SORCS1: variants seen among roughly 807,000 people sequenced by gnomAD.
SORCS1 encodes sortilin related VPS10 domain containing receptor 1, also known as VPS10 domain-containing receptor SorCS1.
SORCS1 carries 60 observed loss-of-function variants against 146.1 expected under a neutral mutation model. The ratio of observed to expected loss-of-function variants is 0.41; its 90% CI spans 0.33 to 0.51. The LOEUF (loss-of-function observed/expected upper bound fraction) is 0.51, where lower values mean the gene tolerates loss of function less well. Ranked by LOEUF, SORCS1 falls within the 20% of genes least tolerant of loss-of-function variation. The pLI, the probability that SORCS1 is intolerant of heterozygous loss-of-function variation, is 0.21. For synonymous variants in SORCS1, 637 were observed against 584.0 expected, an observed-to-expected ratio of 1.09 and a Z score of -1.31; for missense variants, 1,352 against 1,487.6, an observed-to-expected ratio of 0.91 and a Z score of 1.50.
intron 2 of SORCS1, among the ~76,000 whole-genome samples, chr10:106,907,208 C>T (rs1951946529): frequency 6.6e-6 from 1 of 151,880 alleles, no homozygotes; most frequent in Non-Finnish European, 1.5e-5. Context: ...GGGTTTTATC[C>T]CAGTATTACA....
At chr10:107,007,650 G>A (rs907869991) in intron 1 of SORCS1, among the ~76,000 whole-genome samples, 4 of 152,172 alleles carry the variant, frequency 2.6e-5, no homozygotes, top group African/African-American at 9.7e-5. Context: ...TAGGGTAGTT[G>A]GTAACACAGA....
intron 1 of SORCS1, among the ~76,000 whole-genome samples, chr10:106,961,550 T>A (rs1955223504): frequency 6.6e-6 from 1 of 152,204 alleles, no homozygotes; most frequent in Non-Finnish European, 1.5e-5. Flanking sequence ...TACTAAAGAA[T>A]TCACCCCACA....
chr10:106,827,570 A>G (rs1037132898), intron 3 of SORCS1, among the ~76,000 whole-genome samples: 24 of 152,242 alleles, frequency 1.6e-4, no homozygotes, highest in African/African-American at 5.8e-4. Context: ...TTTGCTAAAA[A>G]TGTGAACTAG....
chr10:106,957,374 GTTGGGT>G (rs1438810271), intron 1 of SORCS1, among the ~76,000 whole-genome samples: 6 of 152,064 alleles, frequency 3.9e-5, no homozygotes, highest in South Asian at 4.2e-4. Context: ...GTTTCGCCAT[GTTGGGT>G]AGGCTGGTCT....
intron 1 of SORCS1, among the ~76,000 whole-genome samples, chr10:107,033,988 C>A (rs185836761): frequency 2.5e-3 from 379 of 152,250 alleles, no homozygotes; most frequent in African/African-American, 8.6e-3. Flanking sequence ...AAGTGAGATA[C>A]AATTATAAGC....
chr10:106,989,402 G>C (rs1472617337), intron 1 of SORCS1, among the ~76,000 whole-genome samples: 1 of 151,782 alleles, frequency 6.6e-6, no homozygotes, highest in East Asian at 1.9e-4. Flanking sequence ...TTGATGTATG[G>C]GAACTTAACT....
chr10:106,751,514 T>A (rs1445059141), intron 5 of SORCS1, among the ~76,000 whole-genome samples: 2 of 152,182 alleles, frequency 1.3e-5, no homozygotes, highest in Non-Finnish European at 2.9e-5. Flanking sequence ...CAGTCTAGGA[T>A]GAGTCTTTCT....
chr10:106,785,057 G>C (rs539225384), intron 3 of SORCS1, among the ~76,000 whole-genome samples: 69 of 152,250 alleles, frequency 4.5e-4, no homozygotes, highest in African/African-American at 1.6e-3. Flanking sequence ...AAGGAGTTCA[G>C]GAAATGCCAC....
intron 1 of SORCS1, among the ~76,000 whole-genome samples, chr10:107,157,610 A>G (rs566425123): frequency 6.6e-6 from 1 of 152,230 alleles, no homozygotes; most frequent in African/African-American, 2.4e-5. Context: ...AATATCTTTC[A>G]TATGTGTGTA....
intron 4 of SORCS1, among the ~76,000 whole-genome samples, chr10:106,767,650 G>A (rs1161262638): frequency 4.6e-5 from 7 of 151,890 alleles, no homozygotes; most frequent in Admixed American, 6.6e-5. Flanking sequence ...CACCACGCCC[G>A]GCTAATTTTT....
intron 2 of SORCS1, among the ~76,000 whole-genome samples, chr10:106,904,202 G>A (rs1054717689): frequency 6.6e-6 from 1 of 152,122 alleles, no homozygotes; most frequent in African/African-American, 2.4e-5. Context: ...TATCTTATAG[G>A]TGGTCATGGA....
intron 2 of SORCS1, among the ~76,000 whole-genome samples, chr10:106,914,362 G>A (rs933044897): frequency 9.2e-5 from 14 of 151,836 alleles, no homozygotes; most frequent in African/African-American, 3.1e-4. Flanking sequence ...CTGGATTTCC[G>A]GGGGGTGATT....
rs761689988 is a variant in SORCS1, at chr10:106,989,680, G to GTTT, written c.559-33103_559-33101dup. ...ACTCATATTTTTTCTGTTTTTTTTTGTTTTTTTTTTTTTTTTTTTTTTCTG... is the reference window on the plus strand; with the variant it reads ...ACTCATATTTTTTCTGTTTTTTTTTGTTTTTTTTTTTTTTTTTTTTTTTTTCTG... On this transcript the variant is annotated intron_variant, in intron 1 of 25. Transcript: ENST00000263054. 3.5e-3 allele frequency among the ~76,000 whole-genome samples: 248 copies of GTTT among 70,332 alleles called. 17 individuals carry two copies. Among genetic ancestry groups the GTTT allele is most frequent in the African/African-American group, 0.012 (228 of 18,680 alleles). The allele number at this position is 70,332 out of a possible 152,430, so 46.1% of individuals were successfully genotyped here.
At chr10:106,995,228 G>T (rs1315978247) in intron 1 of SORCS1, among the ~76,000 whole-genome samples, 1 of 151,734 alleles carries the variant, frequency 6.6e-6, no homozygotes, top group Non-Finnish European at 1.5e-5. Flanking sequence ...GCAGGAGAAT[G>T]GCGTGAACCT....
At chr10:106,638,406 C>T (rs557255716) in intron 18 of SORCS1, among the ~76,000 whole-genome samples, 23 of 151,706 alleles carry the variant, frequency 1.5e-4, no homozygotes, top group Non-Finnish European at 2.4e-4. Flanking sequence ...AAAAAAAAGG[C>T]ACGGTACATT....
At chr10:106,675,536 A>G (rs1480601243) in intron 13 of SORCS1, among the ~76,000 whole-genome samples, 1 of 152,172 alleles carries the variant, frequency 6.6e-6, no homozygotes, top group East Asian at 1.9e-4. Flanking sequence ...ATGACCTTGT[A>G]AGACTTACTT....
intron 10 of SORCS1, among the ~76,000 whole-genome samples, chr10:106,683,784 G>T (rs557380118): frequency 6.6e-6 from 1 of 152,054 alleles, no homozygotes; most frequent in Non-Finnish European, 1.5e-5. Flanking sequence ...TCTCCCTCCC[G>T]AAATACATAC....
intron 2 of SORCS1, among the ~76,000 whole-genome samples, chr10:106,941,406 A>C (rs535868892): frequency 7.4e-4 from 113 of 152,326 alleles, no homozygotes; most frequent in African/African-American, 2.4e-3. Flanking sequence ...GACTTAAAAA[A>C]AAAATCTCCC....
At chr10:107,067,260 C>A (rs1460058641) in intron 1 of SORCS1, among the ~76,000 whole-genome samples, 2 of 151,800 alleles carry the variant, frequency 1.3e-5, no homozygotes, top group East Asian at 3.9e-4. Context: ...CAAATCCAAA[C>A]CTTAGGAAAA....
Sources: allele counts gnomAD v4.1 joint callset (sites outside exome capture counted in the v4.1 genomes callset), GRCh38; gene constraint gnomAD v4.1.1; transcripts MANE v1.5; gene names NCBI Gene and HGNC (gene_info 2026-07-23, HGNC 2026-07-21).